The following EDIL3 variants were observed in gnomAD, a reference collection of about 807,000 sequenced individuals.
EDIL3 encodes the protein EGF like and discoidin domains 3, also known as EGF-like repeat and discoidin I-like domain-containing protein 3.
In EDIL3, 37 loss-of-function variants were observed where a neutral mutation model predicts 67.4. The ratio of observed to expected loss-of-function variants is 0.55; its 90% CI spans 0.42 to 0.72. The LOEUF (loss-of-function observed/expected upper bound fraction) is 0.72. Among genes scored for constraint, EDIL3 ranks in the 30% least tolerant of loss-of-function variants. The pLI is 0.00. For synonymous variants in EDIL3, 195 were observed against 196.3 expected (o/e 0.99, Z 0.05); for missense variants, 527 against 586.3 (o/e 0.90, Z 1.04).
At chr5:84,150,224 A>G (rs1274250273) in intron 4 of EDIL3, among the ~76,000 whole-genome samples, 1 of 152,176 alleles carries the variant, frequency 6.6e-6, no homozygotes, top group Non-Finnish European at 1.5e-5. Context: ...TGTAAAATAC[A>G]CTTAGAACTA....
chr5:84,140,882 C>T (rs972664624), intron 4 of EDIL3, among the ~76,000 whole-genome samples: 18 of 152,020 alleles, frequency 1.2e-4, no homozygotes, highest in African/African-American at 3.9e-4. Context: ...GAAGCATTTA[C>T]GTATTTGTAT....
rs373397934 is a variant in EDIL3, at chr5:84,063,883, T to C, written c.952+817A>G. Among the ~76,000 whole-genome samples, 7 of 152,282 alleles carry C rather than the reference T, an allele frequency of 4.6e-5. No homozygotes were observed. In the East Asian group the frequency reaches 1.2e-3, roughly 25 times the overall value. On this transcript the variant is annotated intron_variant, in intron 8 of 10. Coordinates refer to ENST00000296591, the MANE Select transcript of EDIL3 (RefSeq NM_005711.5). ...TAATTTCAGGCCACTGCAGCAAAGA[T>C]AGTTTGTAAATTGTGATGCCAGAAA...
chr5:84,239,678 G>A (rs879510231), intron 2 of EDIL3, among the ~76,000 whole-genome samples: 1 of 152,152 alleles, frequency 6.6e-6, no homozygotes, highest in African/African-American at 2.4e-5. Flanking sequence ...TTGGGGTTGA[G>A]TCAAGGGAGA....
chr5:84,064,375 G>A lies in EDIL3; in HGVS notation c.952+325C>T, dbSNP rs74845764. Among the ~76,000 whole-genome samples, 683 of 152,028 alleles carry A rather than the reference G, an allele frequency of 4.5e-3. 4 individuals carry two copies. Among genetic ancestry groups the A allele is most frequent in the Non-Finnish European group, 7.4e-3 (504 of 67,964 alleles). On this transcript the variant is annotated intron_variant, in intron 8 of 10. Coordinates refer to ENST00000296591, the MANE Select transcript of EDIL3 (RefSeq NM_005711.5). ...TCCAGTTTTTACTAAACTTTTTGTC[G>A]GAAAACATAGATCACAGTTATTATG...
intron 6 of EDIL3, among the ~76,000 whole-genome samples, chr5:84,084,261 T>C (rs1297119076): frequency 6.6e-6 from 1 of 152,170 alleles, no homozygotes; most frequent in Admixed American, 6.5e-5. Context: ...TTTTATAAAG[T>C]TTTATTTCTA....
intron 1 of EDIL3, among the ~76,000 whole-genome samples, chr5:84,283,401 A>G (rs981703360): frequency 3.9e-5 from 6 of 152,138 alleles, no homozygotes; most frequent in Non-Finnish European, 7.4e-5. Context: ...AATTTTTTCC[A>G]TAAGAACAAA....
In EDIL3 at chr5:84,201,494, T is replaced by G. The variant is rs560834715; in HGVS notation, c.227-20973A>C. Among the ~76,000 whole-genome samples, 7 of 152,210 alleles carry G rather than the reference T, an allele frequency of 4.6e-5. No homozygotes were observed. In the South Asian group the frequency reaches 1.5e-3, roughly 32 times the overall value. ...ATGTACCATACTTAGAGACTTCATC[T>G]GTTTTTCTGGGTCAGAAAGCATGTG... On this transcript the variant is annotated intron_variant, in intron 3 of 10. Transcript: ENST00000296591.
At chr5:84,176,843 A>C (rs1748927006) in intron 4 of EDIL3, among the ~76,000 whole-genome samples, 1 of 151,654 alleles carries the variant, frequency 6.6e-6, no homozygotes. Context: ...TGATAATTCT[A>C]TACCAAATCC....
intron 6 of EDIL3, among the ~76,000 whole-genome samples, chr5:84,097,354 C>G (rs1187158555): frequency 6.6e-6 from 1 of 152,088 alleles, no homozygotes; most frequent in Non-Finnish European, 1.5e-5. Flanking sequence ...CTATATCATA[C>G]ACATCAAATA....
chr5:84,256,088 G>A (rs982933724), intron 1 of EDIL3, among the ~76,000 whole-genome samples: 2 of 151,848 alleles, frequency 1.3e-5, no homozygotes, highest in Non-Finnish European at 2.9e-5. Context: ...TACTTCAGTA[G>A]ACTTGCTATC....
intron 10 of EDIL3, among the ~76,000 whole-genome samples, chr5:83,961,932 A>T (rs961708257): frequency 6.6e-6 from 1 of 151,396 alleles, no homozygotes; most frequent in Non-Finnish European, 1.5e-5. Context: ...AGATACACCA[A>T]TTTCTAAGAT....
Position 83,984,664 on chromosome 5 carries a change from T to C in EDIL3, c.1138-21304A>G, listed in dbSNP as rs140469088. On this transcript the variant is annotated intron_variant, in intron 9 of 10. Coordinates refer to ENST00000296591, the MANE Select transcript of EDIL3 (RefSeq NM_005711.5). Reference sequence around the variant, plus strand: ...AGTATGCATGAAGTACCCTCAGCATTGGAGCTGGAAGTTTGCAGAGCAGGA... The same window carrying C: ...AGTATGCATGAAGTACCCTCAGCATCGGAGCTGGAAGTTTGCAGAGCAGGA... Among the ~76,000 whole-genome samples, 1,311 of 152,092 alleles carry C rather than the reference T, an allele frequency of 8.6e-3. 10 individuals carry two copies. The highest frequency in any genetic ancestry group is 0.012 in the Non-Finnish European group (848 of 67,984).
chr5:83,995,146 G>GCACA (rs1248301212), intron 9 of EDIL3, among the ~76,000 whole-genome samples: 12 of 88,972 alleles, frequency 1.3e-4, no homozygotes, highest in Admixed American at 1.2e-3. Flanking sequence ...GTATACACAC[G>GCACA]CACACACACA....
intron 9 of EDIL3, among the ~76,000 whole-genome samples, chr5:83,975,907 G>C (rs1442917793): frequency 1.3e-5 from 2 of 151,798 alleles, no homozygotes; most frequent in Non-Finnish European, 2.9e-5. Context: ...TCAAGCTTCT[G>C]GCTTATTGTA....
chr5:84,284,389 G>A (rs1001261085), intron 1 of EDIL3, among the ~76,000 whole-genome samples: 1 of 151,994 alleles, frequency 6.6e-6, no homozygotes, highest in African/African-American at 2.4e-5. Context: ...CCTACGGCAT[G>A]GCTACTATAC....
At chr5:84,162,973 T>G (rs917582038) in intron 4 of EDIL3, among the ~76,000 whole-genome samples, 1 of 152,154 alleles carries the variant, frequency 6.6e-6, no homozygotes, top group African/African-American at 2.4e-5. Flanking sequence ...CACAGTCCTT[T>G]TCTTCCTTTT....
intron 3 of EDIL3, among the ~76,000 whole-genome samples, chr5:84,217,070 TCCA>T (rs966381147): frequency 2.6e-5 from 4 of 151,138 alleles, no homozygotes; most frequent in African/African-American, 9.7e-5. Context: ...CCAGGAAATC[TCCA>T]CAACAGTAAG....
At chr5:84,021,164 T>C (rs917862606) in intron 9 of EDIL3, among the ~76,000 whole-genome samples, 6 of 151,972 alleles carry the variant, frequency 3.9e-5, no homozygotes, top group African/African-American at 1.4e-4. Flanking sequence ...AATTCTGTTA[T>C]CTTTTCAAAA....
intron 4 of EDIL3, among the ~76,000 whole-genome samples, chr5:84,147,701 A>AT (rs1016840100): frequency 2.0e-5 from 3 of 151,300 alleles, no homozygotes; most frequent in Admixed American, 6.6e-5. Flanking sequence ...GTTCAATTAC[A>AT]TTTTTTTTCT....
Sources: gnomAD v4.1 joint callset for allele counts (sites outside exome capture counted in the v4.1 genomes callset) on GRCh38, gnomAD v4.1.1 for gene constraint, MANE v1.5 for transcripts, NCBI Gene and HGNC (gene_info 2026-07-23, HGNC 2026-07-21) for gene names.